TMEM184B: variants seen among roughly 807,000 people sequenced by gnomAD.
TMEM184B encodes the protein transmembrane protein 184B.
TMEM184B carries 17 observed loss-of-function variants against 41.8 expected under a neutral mutation model. The ratio of observed to expected loss-of-function variants is 0.41; its 90% CI spans 0.28 to 0.61. The LOEUF is 0.61. Ranked by LOEUF, TMEM184B falls within the 20% of genes least tolerant of loss-of-function variation. The probability of loss-of-function intolerance (pLI) is 0.34; values close to 1 mark genes in which losing one functional copy is unlikely to be tolerated. For missense variants in TMEM184B, 393 were observed against 557.8 expected (o/e 0.70, Z 2.98); for synonymous variants, 240 against 229.5 (o/e 1.05, Z -0.41).
downstream of TMEM184B, among the ~76,000 whole-genome samples, chr22:38,217,312 G>A (rs1247355900): frequency 3.2e-5 from 4 of 126,718 alleles, no homozygotes; most frequent in East Asian, 2.2e-4. Context: ...GTGAAACCCC[G>A]TCTCTACTAA....
chr22:38,266,854 C>T (rs549092014), intron 1 of TMEM184B, among the ~76,000 whole-genome samples: 1 of 152,126 alleles, frequency 6.6e-6, no homozygotes, highest in African/African-American at 2.4e-5. Flanking sequence ...GAGGCCGAGG[C>T]GGGTGGATCA....
chr22:38,225,089 G>A lies in TMEM184B; in HGVS notation c.788-110C>T. 1 of 1,245,282 alleles carries A rather than the reference G, an allele frequency of 8.0e-7. No individual in the cohort carries two copies. The highest frequency in any genetic ancestry group is 1.5e-5 in the South Asian group (1 of 64,692). The allele number at this position is 1,245,282 out of a possible 1,614,324, so 77.1% of individuals were successfully genotyped here. A position where few individuals can be genotyped will look rare whatever the true frequency, so the allele number is the denominator to read the frequency against. On this transcript the variant is annotated intron_variant, in intron 7 of 8. Coordinates refer to ENST00000361906, the MANE Select transcript of TMEM184B (RefSeq NM_012264.5). This position sits in a 1 kb window ranked among gnomAD's most constrained non-coding sequence, Gnocchi z 4.4. ...ACATGCCCCAGTGAGGATGTGAGCA[G>A]GGCCACAGCTGCTCCTGCAGGGCAG...
intron 5 of TMEM184B, among the ~76,000 whole-genome samples, chr22:38,228,543 T>C (rs1365281798): frequency 3.9e-5 from 6 of 152,166 alleles, no homozygotes; most frequent in Non-Finnish European, 5.9e-5. Context: ...ATGTGCCAGG[T>C]TCCAGGGCTC....
intron 3 of TMEM184B, among the ~76,000 whole-genome samples, chr22:38,235,856 C>T (rs1315233130): frequency 3.9e-5 from 6 of 152,286 alleles, no homozygotes; most frequent in East Asian, 1.9e-4. Context: ...GAAGCTGAGA[C>T]GGGGCTGGAG....
intron 1 of TMEM184B, among the ~76,000 whole-genome samples, chr22:38,272,049 C>A (rs749167720): frequency 1.3e-5 from 2 of 152,196 alleles, no homozygotes; most frequent in Non-Finnish European, 2.9e-5. Context: ...ATGGCCTTCA[C>A]CTCACCACAG....
In TMEM184B at chr22:38,221,182, T is replaced by C. The variant is rs375843707; in HGVS notation, c.*287A>G. The C allele has an allele frequency of 9.5e-5, 119 of 1,258,632 alleles. No individual in the cohort carries two copies. In the African/African-American group the frequency reaches 1.7e-3, roughly 18 times the overall value. The allele number at this position is 1,258,632 out of a possible 1,614,324, so 78.0% of individuals were successfully genotyped here. The stretch of plus-strand genomic sequence containing the variant: ...GGCCTGGGTGCGGCTGGTCCCAGCA[T>C]GCCCCCAGCACAGGACGGGCAGCAG... On this transcript the variant is annotated 3_prime_UTR_variant, in exon 9 of 9. Transcript: ENST00000361906.
intron 3 of TMEM184B, among the ~76,000 whole-genome samples, chr22:38,233,096 G>A (rs137884280): frequency 1.3e-5 from 2 of 152,312 alleles, no homozygotes; most frequent in African/African-American, 4.8e-5. Context: ...GAACTGGAGC[G>A]TGGAAAGCCC....
chr22:38,248,667 T>C (rs943487111), intron 1 of TMEM184B, among the ~76,000 whole-genome samples: 1 of 152,002 alleles, frequency 6.6e-6, no homozygotes. Context: ...TATTAACTGT[T>C]CCCCCCACCC....
Position 38,225,115 on chromosome 22 carries a change from G to A in TMEM184B, c.788-136C>T. 1 of 1,086,542 alleles carries A rather than the reference G, an allele frequency of 9.2e-7. No homozygotes were observed. The highest frequency in any genetic ancestry group is 1.3e-6 in the Non-Finnish European group (1 of 785,890). 67.3% of individuals were successfully genotyped at this position (1,086,542 alleles called of 1,614,324 possible). A position where few individuals can be genotyped will look rare whatever the true frequency, so the allele number is the denominator to read the frequency against. ...GGCCACAGCTGCTCCTGCAGGGCAG[G>A]GGTAGCGACACAAGGCCACAGCCTC... is the stretch of plus-strand genomic sequence containing the variant. On this transcript the variant is annotated intron_variant, in intron 7 of 8. Coordinates refer to ENST00000361906, the MANE Select transcript of TMEM184B (RefSeq NM_012264.5). This position sits in a 1 kb window ranked among gnomAD's most constrained non-coding sequence, Gnocchi z 4.4.
downstream of TMEM184B, chr22:38,219,226 C>T: frequency 2.0e-6 from 2 of 984,300 alleles, no homozygotes; most frequent in Non-Finnish European, 2.4e-6. Flanking sequence ...CCCACAGCCA[C>T]TCCACCCACC....
chr22:38,253,947 T>G (rs965266503), intron 1 of TMEM184B, among the ~76,000 whole-genome samples: 2 of 152,124 alleles, frequency 1.3e-5, no homozygotes, highest in African/African-American at 4.8e-5. Context: ...ACACCTGTAA[T>G]CCCAGCACTT....
rs117888066 is a variant in TMEM184B at position 38,226,464 on chromosome 22, G to T, written c.617+315C>A. ...GGCTTTGTATCTGTGGACTTGAGCC[G>T]ACCTCTTGGGGCTCTGACCCTCTCG... On this transcript the variant is annotated intron_variant, in intron 6 of 8. Transcript: ENST00000361906. This position sits in a 1 kb window ranked among gnomAD's most constrained non-coding sequence, Gnocchi z 4.6. 0.013 allele frequency: 4,147 copies of T among 312,492 alleles called. 43 individuals are homozygous for T. The highest frequency in any genetic ancestry group is 0.02 in the Non-Finnish European group (3,158 of 158,790). The allele number at this position is 312,492 out of a possible 1,614,324, so 19.4% of individuals were successfully genotyped here.
chr22:38,222,706 G>A (rs893844700), intron 8 of TMEM184B: 19 of 985,632 alleles, frequency 1.9e-5, no homozygotes, highest in South Asian at 9.4e-5. Context: ...CAAGGGGGGC[G>A]GGGAGAGAAG....
chr22:38,254,138 T>C (rs1392264394), intron 1 of TMEM184B, among the ~76,000 whole-genome samples: 1 of 146,038 alleles, frequency 6.8e-6, no homozygotes, highest in African/African-American at 2.5e-5. Flanking sequence ...AAGGCAGAGG[T>C]TGCAGTGAGC....
At chr22:38,228,210 CCCG>C (rs1372510826) in intron 5 of TMEM184B, among the ~76,000 whole-genome samples, 1 of 152,186 alleles carries the variant, frequency 6.6e-6, no homozygotes, top group Non-Finnish European at 1.5e-5. Context: ...GCCCTGTCAT[CCCG>C]CCTAGAGAAG....
intron 1 of TMEM184B, among the ~76,000 whole-genome samples, chr22:38,251,898 T>TG: frequency 6.8e-6 from 1 of 147,766 alleles, no homozygotes; most frequent in African/African-American, 2.4e-5. Flanking sequence ...ATGATGCTGT[T>TG]TTTTTTTTTT....
At chr22:38,257,956 C>A (rs2092309761) in intron 1 of TMEM184B, among the ~76,000 whole-genome samples, 1 of 152,190 alleles carries the variant, frequency 6.6e-6, no homozygotes, top group Non-Finnish European at 1.5e-5. Flanking sequence ...CCAGACAAGG[C>A]CCCCTGGCTC....
chr22:38,271,976 C>A (rs2092530498), intron 1 of TMEM184B, among the ~76,000 whole-genome samples: 1 of 152,230 alleles, frequency 6.6e-6, no homozygotes, highest in Admixed American at 6.5e-5. Context: ...CAGCGCAGGG[C>A]CTCCAGGGCA....
chr22:38,227,829 G>A (rs1013042403), intron 5 of TMEM184B, among the ~76,000 whole-genome samples: 6 of 152,184 alleles, frequency 3.9e-5, no homozygotes, highest in African/African-American at 1.4e-4. Flanking sequence ...CTAGCTGGCT[G>A]AGCCACGGAA....
Sources: allele counts gnomAD v4.1 joint callset (sites outside exome capture counted in the v4.1 genomes callset), GRCh38; gene constraint gnomAD v4.1.1; non-coding constraint Gnocchi (gnomAD v3.1); transcripts MANE v1.5; gene names NCBI Gene and HGNC (gene_info 2026-07-23, HGNC 2026-07-21).